Variants in SOS1 observed in about 807,000 individuals in gnomAD.
SOS1 encodes SOS Ras/Rac guanine nucleotide exchange factor 1.
Under a neutral mutation model 157.6 loss-of-function variants are expected in SOS1, and 25 were observed. The observed-to-expected ratio is 0.16, with a 90% CI of 0.12 to 0.22. SOS1 has a LOEUF of 0.22. Among genes scored for constraint, SOS1 ranks in the 10% least tolerant of loss-of-function variants. The pLI is 1.00. For missense variants in SOS1, 1,237 were observed against 1,599.1 expected (o/e 0.77, Z 3.86); for synonymous variants, 528 against 534.0 (o/e 0.99, Z 0.16).
At chr2:39,113,867 T>C (rs540545973) in intron 1 of SOS1, among the ~76,000 whole-genome samples, 3 of 152,194 alleles carry the variant, frequency 2.0e-5, no homozygotes, top group Non-Finnish European at 4.4e-5. Context: ...CTCAGCACTA[T>C]CTCTTTTCCC....
At chr2:39,087,700 T>G (rs1672429049) in intron 1 of SOS1, among the ~76,000 whole-genome samples, 1 of 152,058 alleles carries the variant, frequency 6.6e-6, no homozygotes, top group Non-Finnish European at 1.5e-5. Context: ...TGAGACAGAG[T>G]CTCTGTAACC....
At chr2:39,047,399 C>T (rs1670828249) in intron 6 of SOS1, among the ~76,000 whole-genome samples, 1 of 152,160 alleles carries the variant, frequency 6.6e-6, no homozygotes, top group Admixed American at 6.5e-5. Context: ...TGCTGGGTCA[C>T]AGGGTACATT....
chr2:39,098,357 G>A (rs375216240), intron 1 of SOS1: 2 of 245,560 alleles, frequency 8.1e-6, no homozygotes, highest in Non-Finnish European at 1.6e-5. Flanking sequence ...CTGGAAGCAT[G>A]TCTCCTTTGG....
chr2:38,995,167 A>G lies in SOS1; in HGVS notation c.3302T>C (p.Val1101Ala). ...PASGASSTTD[V>A]CSVFDSDHSS... The stretch of plus-strand genomic sequence containing the variant: ...ATGATCGGAATCAAATACACTGCAA[A>G]CATCTGTGGTACTGGAAGCACCAGA... Residue 1101 changes from valine to alanine, a missense_variant, in exon 20 of 23, where the codon GTT becomes GCT. By Grantham distance (64) the Val-to-Ala change is moderately conservative. This residue lies in a region of SOS1 where 306 missense variants were observed against 322.6 expected (regional missense o/e 0.95). Transcript: ENST00000402219. The G allele has an allele frequency of 6.2e-7, 1 of 1,614,062 alleles. No individual in the cohort carries two copies. Among genetic ancestry groups the G allele is most frequent in the South Asian group, 1.1e-5 (1 of 91,084 alleles).
chr2:39,101,937 G>T (rs914170110), intron 1 of SOS1, among the ~76,000 whole-genome samples: 2 of 152,014 alleles, frequency 1.3e-5, no homozygotes, highest in Admixed American at 1.3e-4. Context: ...GCCAGGCTCA[G>T]TGGCTCATGC....
chr2:39,008,624 G>GT (rs1225427303), intron 15 of SOS1, among the ~76,000 whole-genome samples: 5 of 152,160 alleles, frequency 3.3e-5, no homozygotes, highest in African/African-American at 1.2e-4. Context: ...GTCAGAACAA[G>GT]TATCAAACAG....
chr2:39,069,505 T>C (rs1276392126), intron 1 of SOS1, among the ~76,000 whole-genome samples: 3 of 152,200 alleles, frequency 2.0e-5, no homozygotes, highest in South Asian at 2.1e-4. Flanking sequence ...CAGAACTGCA[T>C]GAAGAGGTAC....
chr2:39,111,862 T>G (rs1395776118), intron 1 of SOS1, among the ~76,000 whole-genome samples: 1 of 152,038 alleles, frequency 6.6e-6, no homozygotes, highest in South Asian at 2.1e-4. Context: ...CCCGAACAGC[T>G]GGGACTACAG....
chr2:39,113,015 G>A (rs527569823), intron 1 of SOS1, among the ~76,000 whole-genome samples: 59 of 150,892 alleles, frequency 3.9e-4, no homozygotes, highest in African/African-American at 1.2e-3. Flanking sequence ...CAGCCTGGGC[G>A]ACAAGAGCAA....
chr2:39,042,184 G>C (rs1000742691), intron 6 of SOS1, among the ~76,000 whole-genome samples: 1 of 151,890 alleles, frequency 6.6e-6, no homozygotes, highest in African/African-American at 2.4e-5. Context: ...GTACTTAAGG[G>C]GACAAGAACA....
At chr2:39,063,545 G>T (rs574234500) in intron 2 of SOS1, among the ~76,000 whole-genome samples, 2 of 152,212 alleles carry the variant, frequency 1.3e-5, no homozygotes, top group African/African-American at 2.4e-5. Flanking sequence ...GTGATTATTG[G>T]CTACATCAAT....
At chr2:39,003,950 T>G (rs746233117) in intron 17 of SOS1, among the ~76,000 whole-genome samples, 13 of 152,154 alleles carry the variant, frequency 8.5e-5, no homozygotes, top group Non-Finnish European at 1.5e-4. Context: ...ACTAGATGCC[T>G]GTAGCACCAT....
Position 39,010,895 on chromosome 2 carries a change from A to ACTT in SOS1, c.2391-195_2391-193dup, listed in dbSNP as rs1553354137. On this transcript the variant is annotated intron_variant, in intron 14 of 22. Transcript: ENST00000402219. ...ATATTTCCTTATGGATTTTTTTTAA[A>ACTT]CTTTTTTTTTTTTTTTTGAGATGGA... 0.4 allele frequency among the ~76,000 whole-genome samples: 16,307 copies of ACTT among 40,442 alleles called. 3,467 individuals are homozygous for ACTT. Among genetic ancestry groups the ACTT allele is most frequent in the African/African-American group, 0.62 (14,419 of 23,322 alleles). 26.5% of individuals were successfully genotyped at this position (40,442 alleles called of 152,430 possible). A position where few individuals can be genotyped will look rare whatever the true frequency, so the allele number is the denominator to read the frequency against.
intron 6 of SOS1, among the ~76,000 whole-genome samples, chr2:39,040,954 A>G (rs1670548855): frequency 6.6e-6 from 1 of 152,206 alleles, no homozygotes; most frequent in African/African-American, 2.4e-5. Context: ...TTATATTTCT[A>G]TCAGCAAAAT....
intron 6 of SOS1, among the ~76,000 whole-genome samples, chr2:39,048,851 C>A (rs1670892801): frequency 6.6e-6 from 1 of 152,100 alleles, no homozygotes; most frequent in Admixed American, 6.6e-5. Flanking sequence ...CCATTTTTAT[C>A]TTTTCAAATA....
intron 1 of SOS1, among the ~76,000 whole-genome samples, chr2:39,071,605 G>A (rs1008844913): frequency 2.6e-5 from 4 of 152,026 alleles, no homozygotes; most frequent in East Asian, 3.9e-4. Context: ...TCAATAATTC[G>A]AATTACCTTT....
chr2:39,078,995 G>A (rs1014541678), intron 1 of SOS1, among the ~76,000 whole-genome samples: 1 of 130,306 alleles, frequency 7.7e-6, no homozygotes, highest in Non-Finnish European at 1.5e-5. Flanking sequence ...GGGAGGTGAA[G>A]GTTGCAGTGA....
intron 8 of SOS1, chr2:39,034,940 C>G (rs1670291036): frequency 1.9e-6 from 1 of 535,468 alleles, no homozygotes; most frequent in South Asian, 1.6e-5. Flanking sequence ...AAATATCTGA[C>G]AATTGCTTTA....
intron 3 of SOS1, among the ~76,000 whole-genome samples, chr2:39,057,207 T>C (rs1266093045): frequency 6.6e-6 from 1 of 152,144 alleles, no homozygotes; most frequent in Admixed American, 6.5e-5. Flanking sequence ...GAAGTAACTA[T>C]AACAAACAAG....
Sources: allele counts gnomAD v4.1 joint callset (sites outside exome capture counted in the v4.1 genomes callset), GRCh38; gene constraint gnomAD v4.1.1; regional missense constraint gnomAD v4.1.1; transcripts MANE v1.5; gene names NCBI Gene and HGNC (gene_info 2026-07-23, HGNC 2026-07-21).